The following STARD10 variants were observed in gnomAD, a reference collection of about 807,000 sequenced individuals.
The protein encoded by STARD10 is START domain-containing protein 10.
STARD10 carries 24 observed loss-of-function variants against 36.0 expected under a neutral mutation model. The observed-to-expected ratio is 0.67, with a 90% confidence interval of 0.48 to 0.94. STARD10 has a LOEUF of 0.94. STARD10 is among the 40% of genes least tolerant of loss of function. The pLI is 0.00. For missense variants in STARD10, 335 were observed against 396.6 expected (o/e 0.84, Z 1.32); for synonymous variants, 156 against 161.9 (o/e 0.96, Z 0.28).
At chr11:72,785,133 C>G (rs1859055390) in intron 1 of STARD10, among the ~76,000 whole-genome samples, 1 of 152,090 alleles carries the variant, frequency 6.6e-6, no homozygotes. Context: ...AGCCAGCCAC[C>G]CCATGACCTG....
Position 72,757,753 on chromosome 11 carries a change from G to A in STARD10, c.577+14C>T, listed in dbSNP as rs534832698. On this transcript the variant is annotated intron_variant, in intron 5 of 6. Transcript: ENST00000334805. ...GAAGGATCCCATGATAGGCTGCCAGGGCCAAGCCCTCACCTTTGGGGTCCA... is the reference window on the plus strand; with the variant it reads ...GAAGGATCCCATGATAGGCTGCCAGAGCCAAGCCCTCACCTTTGGGGTCCA... 2 of 1,612,344 alleles carry A rather than the reference G, an allele frequency of 1.2e-6. No homozygotes were observed. The highest frequency in any genetic ancestry group is 2.2e-5 in the South Asian group (2 of 91,000).
In STARD10 at chr11:72,775,198, T is replaced by C. The variant is rs1404895532; in HGVS notation, c.207+5777A>G. On this transcript the variant is annotated intron_variant, in intron 2 of 6. Coordinates refer to ENST00000334805, the MANE Select transcript of STARD10 (RefSeq NM_006645.3). ...ACAGTGCGCACATCGCAAAGAGTTA[T>C]GCTATAACCATCATATCCCGTCCAT... Among the ~76,000 whole-genome samples, 4 of 152,226 alleles carry C rather than the reference T, an allele frequency of 2.6e-5. No individual in the cohort carries two copies. The East Asian group carries it at 5.8e-4, about 22-fold the overall frequency.
At position 72,781,953 on chromosome 11, in the gene STARD10, C is replaced by T. The variant is rs1280913599; in HGVS notation, c.-113-659G>A. ...CCCCGCAGGGTCCTAGCGCCCGCCCCCGCCGGCCCTGGGAGGGGACCCTGC... is the reference window on the plus strand; with the variant it reads ...CCCCGCAGGGTCCTAGCGCCCGCCCTCGCCGGCCCTGGGAGGGGACCCTGC... On this transcript the variant is annotated intron_variant, in intron 1 of 6. Coordinates refer to ENST00000334805, the MANE Select transcript of STARD10 (RefSeq NM_006645.3). The surrounding 1 kb of genome is among the most constrained non-coding windows in gnomAD (Gnocchi z 4.7). 2 of 152,074 alleles carry T rather than the reference C, an allele frequency of 1.3e-5. No individual in the cohort carries two copies. Among genetic ancestry groups the T allele is most frequent in the Non-Finnish European group, 2.9e-5 (2 of 68,006 alleles). The allele number at this position is 152,074 out of a possible 1,614,324, so 9.4% of individuals were successfully genotyped here.
intron 2 of STARD10, among the ~76,000 whole-genome samples, chr11:72,761,907 CTTTT>C (rs1467473729): frequency 4.6e-5 from 4 of 87,634 alleles, no homozygotes; most frequent in Non-Finnish European, 9.8e-5. Flanking sequence ...ATTTCTTTTT[CTTTT>C]CTTTTCTTTT....
intron 3 of STARD10, 54 bp downstream of exon 3, chr11:72,759,180 G>A: frequency 6.3e-7 from 1 of 1,595,858 alleles, no homozygotes; most frequent in South Asian, 1.1e-5. Flanking sequence ...AGGCTTGGTG[G>A]GAGGCCTGGA....
intron 6 of STARD10, chr11:72,755,411 A>G: frequency 1.8e-6 from 1 of 568,182 alleles, no homozygotes; most frequent in Non-Finnish European, 3.1e-6. Context: ...TCCAGGTTCA[A>G]GTGATTCTCC....
At chr11:72,755,374 G>A (rs1339025856) in intron 6 of STARD10, 1 of 559,456 alleles carries the variant, frequency 1.8e-6, no homozygotes, top group African/African-American at 2.0e-5. Context: ...GCAGTGGCAT[G>A]ATATCGGCTC....
rs758877009 is a variant in STARD10 at position 72,758,637 on chromosome 11, T to G, written c.356-4A>C. On this transcript the variant is annotated splice_region_variant and splice_polypyrimidine_tract_variant and intron_variant, in intron 3 of 6. Coordinates refer to ENST00000334805, the MANE Select transcript of STARD10 (RefSeq NM_006645.3). Reference sequence around the variant, plus strand: ...TTCAGGGGCTTGGGACACCTCCCTGTGGGGGGCAAGGGACAGTTCAGCCAG... The same window carrying G: ...TTCAGGGGCTTGGGACACCTCCCTGGGGGGGGCAAGGGACAGTTCAGCCAG... The G allele has an allele frequency of 1.2e-6, 2 of 1,610,604 alleles. No homozygotes were observed. Among genetic ancestry groups the G allele is most frequent in the Non-Finnish European group, 1.7e-6 (2 of 1,177,546 alleles).
At chr11:72,780,290 T>C in intron 2 of STARD10, 1 of 390,746 alleles carries the variant, frequency 2.6e-6, no homozygotes. Flanking sequence ...GAGATGGCTG[T>C]GAGCGACTGA....
At chr11:72,774,134 G>A (rs1024344579) in intron 2 of STARD10, among the ~76,000 whole-genome samples, 1 of 152,304 alleles carries the variant, frequency 6.6e-6, no homozygotes, top group Non-Finnish European at 1.5e-5. Context: ...GGAAGCCGGG[G>A]GAGATGGAGG....
intron 2 of STARD10, among the ~76,000 whole-genome samples, chr11:72,778,594 C>A (rs1465769447): frequency 6.6e-6 from 1 of 152,164 alleles, no homozygotes; most frequent in Admixed American, 6.5e-5. Flanking sequence ...GCTCTGCTCA[C>A]CTCCTCTCCC....
chr11:72,765,150 C>T (rs1858770362), intron 2 of STARD10, among the ~76,000 whole-genome samples: 1 of 152,182 alleles, frequency 6.6e-6, no homozygotes. Context: ...CCTGTAATCC[C>T]AGCTACTCAG....
intron 2 of STARD10, among the ~76,000 whole-genome samples, chr11:72,769,714 A>T (rs1172208180): frequency 6.6e-6 from 1 of 152,258 alleles, no homozygotes; most frequent in South Asian, 2.1e-4. Context: ...AAAATATAAA[A>T]TAAGAAAAAA....
chr11:72,766,737 C>T (rs747958015), intron 2 of STARD10, among the ~76,000 whole-genome samples: 3 of 152,172 alleles, frequency 2.0e-5, no homozygotes, highest in Non-Finnish European at 4.4e-5. Context: ...AGATGGTCGA[C>T]CTGAGATGGG....
intron 5 of STARD10, among the ~76,000 whole-genome samples, chr11:72,756,933 C>G (rs1858652445): frequency 6.6e-6 from 1 of 151,976 alleles, no homozygotes; most frequent in South Asian, 2.1e-4. Flanking sequence ...ATCACAAGGT[C>G]AGGAGTTCGA....
chr11:72,763,372 T>C (rs963115997), intron 2 of STARD10, among the ~76,000 whole-genome samples: 2 of 152,138 alleles, frequency 1.3e-5, no homozygotes, highest in Non-Finnish European at 2.9e-5. Flanking sequence ...AAGGGAAAAT[T>C]AGTCACTTCA....
At chr11:72,789,602 C>G (rs2135042664) in intron 1 of STARD10, among the ~76,000 whole-genome samples, 1 of 152,370 alleles carries the variant, frequency 6.6e-6, no homozygotes, top group Non-Finnish European at 1.5e-5. Flanking sequence ...CTGGCCATGT[C>G]TAGCCAGAGG....
intron 3 of STARD10, 86 bp from the exon 4 acceptor site, chr11:72,758,719 T>C: frequency 1.1e-6 from 1 of 928,790 alleles, no homozygotes; most frequent in Non-Finnish European, 1.7e-6. Context: ...GATGCAGGGA[T>C]GCCTAATTAA....
intron 2 of STARD10, among the ~76,000 whole-genome samples, chr11:72,761,318 T>C (rs1858713676): frequency 6.6e-6 from 1 of 152,154 alleles, no homozygotes; most frequent in South Asian, 2.1e-4. Context: ...ACATGTAAAG[T>C]GTGTCTCTGC....
Sources: allele counts gnomAD v4.1 joint callset (sites outside exome capture counted in the v4.1 genomes callset), GRCh38; gene constraint gnomAD v4.1.1; non-coding constraint Gnocchi (gnomAD v3.1); transcripts MANE v1.5; gene names NCBI Gene and HGNC (gene_info 2026-07-23, HGNC 2026-07-21).